The following PTPRD variants were observed in gnomAD, a reference collection of about 807,000 sequenced individuals.
PTPRD encodes protein tyrosine phosphatase receptor type D, also known as receptor-type tyrosine-protein phosphatase delta.
In PTPRD, 34 loss-of-function variants were observed where a neutral mutation model predicts 214.5. The observed-to-expected ratio is 0.16, with a 90% CI of 0.12 to 0.21. The LOEUF (loss-of-function observed/expected upper bound fraction) is 0.21. PTPRD is among the 10% of genes least tolerant of loss of function. The probability of loss-of-function intolerance (pLI) is 1.00; values close to 1 mark genes in which losing one functional copy is unlikely to be tolerated. For synonymous variants in PTPRD, 1,128 were observed against 845.7 expected (o/e 1.33, Z -5.79); for missense variants, 2,545 against 2,398.7 (o/e 1.06, Z -1.27).
At chr9:10,416,584 G>A (rs2098491493) in intron 2 of PTPRD, among the ~76,000 whole-genome samples, 1 of 151,866 alleles carries the variant, frequency 6.6e-6, no homozygotes, top group African/African-American at 2.4e-5. Flanking sequence ...AAAACAAACA[G>A]TGAAAATTGT....
At chr9:9,024,878 C>T (rs1381227597) in intron 10 of PTPRD, among the ~76,000 whole-genome samples, 4 of 151,686 alleles carry the variant, frequency 2.6e-5, no homozygotes, top group African/African-American at 9.7e-5. Context: ...TTAACATATG[C>T]CAAGATTCAT....
chr9:10,100,772 C>A (rs1554638605), intron 3 of PTPRD, among the ~76,000 whole-genome samples: 1 of 151,576 alleles, frequency 6.6e-6, no homozygotes, highest in Non-Finnish European at 1.5e-5. Context: ...CATTGTCTTA[C>A]TTTACCTATT....
intron 5 of PTPRD, among the ~76,000 whole-genome samples, chr9:9,770,001 T>A (rs1210089544): frequency 6.6e-6 from 1 of 152,186 alleles, no homozygotes; most frequent in Non-Finnish European, 1.5e-5. Flanking sequence ...CTTTATCCAG[T>A]CTATCACTGA....
intron 8 of PTPRD, among the ~76,000 whole-genome samples, chr9:9,546,516 T>C (rs528343720): frequency 6.6e-6 from 1 of 151,960 alleles, no homozygotes; most frequent in Admixed American, 6.6e-5. Context: ...CTTTTCTATG[T>C]ATTTATCTTA....
chr9:9,550,839 T>A (rs559362376), intron 8 of PTPRD, among the ~76,000 whole-genome samples: 1 of 151,824 alleles, frequency 6.6e-6, no homozygotes, highest in African/African-American at 2.4e-5. Context: ...TATAAGTACA[T>A]GAAAATATGT....
chr9:10,385,512 G>A (rs947772899), intron 2 of PTPRD, among the ~76,000 whole-genome samples: 3 of 151,706 alleles, frequency 2.0e-5, no homozygotes, highest in African/African-American at 7.3e-5. Flanking sequence ...ATGTAAGTAA[G>A]TTCAAAGAAT....
At chr9:9,022,638 A>C (rs970894026) in intron 10 of PTPRD, among the ~76,000 whole-genome samples, 27 of 152,150 alleles carry the variant, frequency 1.8e-4, no homozygotes, top group Non-Finnish European at 3.1e-4. Flanking sequence ...CCAAGGATGC[A>C]TTTCTCAGAA....
At chr9:8,931,655 G>A (rs906515124) in intron 11 of PTPRD, among the ~76,000 whole-genome samples, 10 of 151,980 alleles carry the variant, frequency 6.6e-5, no homozygotes, top group Admixed American at 3.9e-4. Context: ...CCAGGTTTAC[G>A]TATCACGATG....
At chr9:9,262,715 C>T (rs2099980681) in intron 9 of PTPRD, among the ~76,000 whole-genome samples, 1 of 151,416 alleles carries the variant, frequency 6.6e-6, no homozygotes, top group Admixed American at 6.6e-5. Context: ...TAACAGAATC[C>T]AGAAATTTGT....
rs562274411 is a variant in PTPRD, at chr9:9,120,660, T to C, written c.-143+62644A>G. ...TGGAGAGGAGGGTAAAAATTCATCTTCTCAGGTCCCAGCACCGGTGAGTCT... is the reference window on the plus strand; with the variant it reads ...TGGAGAGGAGGGTAAAAATTCATCTCCTCAGGTCCCAGCACCGGTGAGTCT... On this transcript the variant is annotated intron_variant, in intron 10 of 45. Coordinates refer to ENST00000381196, the MANE Select transcript of PTPRD (RefSeq NM_002839.4). 9.2e-5 allele frequency among the ~76,000 whole-genome samples: 14 copies of C among 152,286 alleles called. No homozygotes were observed. The South Asian group carries it at 2.9e-3, about 32-fold the overall frequency.
intron 7 of PTPRD, 150 bp from the exon 8 acceptor site, chr9:9,574,931 A>G (rs1181139938): frequency 6.6e-6 from 1 of 152,132 alleles, no homozygotes; most frequent in Non-Finnish European, 1.5e-5. Flanking sequence ...TGACTACAGT[A>G]TTTGTCTGAA....
intron 5 of PTPRD, among the ~76,000 whole-genome samples, chr9:9,772,392 T>G (rs1481513819): frequency 6.6e-6 from 1 of 152,214 alleles, no homozygotes; most frequent in Non-Finnish European, 1.5e-5. Flanking sequence ...CTAATACAAC[T>G]GATAATTTCC....
At chr9:9,643,652 A>C (rs1427466120) in intron 7 of PTPRD, among the ~76,000 whole-genome samples, 2 of 152,116 alleles carry the variant, frequency 1.3e-5, no homozygotes, top group Non-Finnish European at 2.9e-5. Flanking sequence ...AACGAACAAA[A>C]TCTATTTTTC....
intron 5 of PTPRD, among the ~76,000 whole-genome samples, chr9:9,837,390 G>C (rs926869624): frequency 6.6e-6 from 1 of 152,094 alleles, no homozygotes; most frequent in Non-Finnish European, 1.5e-5. Flanking sequence ...TAATGTTCTA[G>C]AACCAATTGC....
At chr9:8,513,288 C>G (rs574715064) in intron 21 of PTPRD, among the ~76,000 whole-genome samples, 6 of 152,138 alleles carry the variant, frequency 3.9e-5, no homozygotes, top group African/African-American at 1.4e-4. Context: ...ACAGACAGAT[C>G]ATATTCTCAT....
chr9:8,650,813 C>A (rs1019542570), intron 12 of PTPRD, among the ~76,000 whole-genome samples: 6 of 151,376 alleles, frequency 4.0e-5, no homozygotes, highest in Middle Eastern at 3.5e-3. Flanking sequence ...TATTTTTGGT[C>A]CTATGGAAAT....
At chr9:8,756,087 T>A (rs115719549) in intron 11 of PTPRD, among the ~76,000 whole-genome samples, 2 of 152,112 alleles carry the variant, frequency 1.3e-5, no homozygotes, top group African/African-American at 4.8e-5. Flanking sequence ...TCCAAATGGG[T>A]AGAGGGAAGG....
At chr9:10,117,866 A>G (rs1176816720) in intron 3 of PTPRD, among the ~76,000 whole-genome samples, 4 of 151,998 alleles carry the variant, frequency 2.6e-5, no homozygotes, top group Non-Finnish European at 1.5e-5. Flanking sequence ...TGCCTTCCCA[A>G]TGCTTTCATG....
At chr9:8,487,565 C>T (rs2097053382) in intron 27 of PTPRD, among the ~76,000 whole-genome samples, 1 of 151,770 alleles carries the variant, frequency 6.6e-6, no homozygotes, top group Non-Finnish European at 1.5e-5. Flanking sequence ...CACCAGTAAT[C>T]CCAGCACTTT....
Sources: allele counts gnomAD v4.1 joint callset (sites outside exome capture counted in the v4.1 genomes callset), GRCh38; gene constraint gnomAD v4.1.1; transcripts MANE v1.5; gene names NCBI Gene and HGNC (gene_info 2026-07-23, HGNC 2026-07-21).